Variants in MSI2 observed in about 807,000 individuals in gnomAD.
MSI2 encodes the protein musashi RNA binding protein 2.
MSI2 carries 17 observed loss-of-function variants against 45.6 expected under a neutral mutation model. The observed-to-expected ratio is 0.37, with a 90% confidence interval of 0.26 to 0.56. The LOEUF (loss-of-function observed/expected upper bound fraction) is 0.56. Among genes scored for constraint, MSI2 ranks in the 20% least tolerant of loss-of-function variants. The pLI is 0.77. For missense variants in MSI2, 293 were observed against 444.2 expected, an observed-to-expected ratio of 0.66 and a Z score of 3.06; for synonymous variants, 156 against 158.2, an observed-to-expected ratio of 0.99 and a Z score of 0.11.
At chr17:57,422,006 T>C (rs569348974) in intron 6 of MSI2, among the ~76,000 whole-genome samples, 2 of 152,370 alleles carry the variant, frequency 1.3e-5, no homozygotes, top group South Asian at 4.1e-4. Context: ...CTATCAAATG[T>C]TACACAGCTT....
chr17:57,293,039 C>T (rs1055528673), intron 5 of MSI2, among the ~76,000 whole-genome samples: 1 of 151,778 alleles, frequency 6.6e-6, no homozygotes, highest in East Asian at 1.9e-4. Flanking sequence ...ACAGTGGTTT[C>T]TTTCTTTTGT....
At chr17:57,517,009 T>G (rs1462006603) in intron 6 of MSI2, among the ~76,000 whole-genome samples, 3 of 152,260 alleles carry the variant, frequency 2.0e-5, no homozygotes, top group African/African-American at 4.8e-5. Context: ...CTTTGCCCAG[T>G]GACTGCATCT....
At chr17:57,647,905 G>A (rs1307820223) in intron 10 of MSI2, among the ~76,000 whole-genome samples, 1 of 151,520 alleles carries the variant, frequency 6.6e-6, no homozygotes, top group Non-Finnish European at 1.5e-5. Flanking sequence ...GCCTCCCAAA[G>A]TGCTAGGATT....
chr17:57,495,251 G>A (rs1047348100), intron 6 of MSI2, among the ~76,000 whole-genome samples: 3 of 152,164 alleles, frequency 2.0e-5, no homozygotes, highest in Non-Finnish European at 4.4e-5. Flanking sequence ...GCTTCATATG[G>A]GCCGGGCACG....
At chr17:57,257,240 C>A in intron 2 of MSI2, 102 bp downstream of exon 2, 1 of 519,522 alleles carries the variant, frequency 1.9e-6, no homozygotes, top group Non-Finnish European at 3.2e-6. Context: ...GCCATTGGCT[C>A]CCCACTTCTC....
chr17:57,571,450 A>AG (rs1041142817), intron 7 of MSI2, among the ~76,000 whole-genome samples: 44 of 152,300 alleles, frequency 2.9e-4, no homozygotes, highest in African/African-American at 9.9e-4. Context: ...CGCTCCTCCC[A>AG]GGAGATGGGT....
chr17:57,281,541 A>C (rs1268565432), intron 5 of MSI2, among the ~76,000 whole-genome samples: 2 of 152,176 alleles, frequency 1.3e-5, no homozygotes, highest in East Asian at 3.9e-4. Context: ...TCTCGGGGCT[A>C]ATTCTGTTCC....
At chr17:57,580,106 C>T (rs1196350980) in intron 7 of MSI2, among the ~76,000 whole-genome samples, 1 of 152,100 alleles carries the variant, frequency 6.6e-6, no homozygotes, top group Admixed American at 6.5e-5. Context: ...CAGCTGTCTC[C>T]TCTCTGTTCC....
intron 6 of MSI2, among the ~76,000 whole-genome samples, chr17:57,452,992 G>T (rs2085046518): frequency 1.4e-5 from 2 of 138,006 alleles, no homozygotes; most frequent in Admixed American, 1.6e-4. Flanking sequence ...GCTTGTTTCT[G>T]GTTGAGGGAC....
At position 57,459,000 on chromosome 17, in the gene MSI2, G is replaced by A. The variant is rs552368471; in HGVS notation, c.405+57529G>A. Among the ~76,000 whole-genome samples, 16 of 152,350 alleles carry A rather than the reference G, an allele frequency of 1.1e-4. No homozygotes were observed. The South Asian group carries it at 2.7e-3, about 26-fold the overall frequency. ...ACCTCGTCAGTGGTTGTTTTGCTGC[G>A]TCGCTCGGAAGAATGCCTCCCTCTT... On this transcript the variant is annotated intron_variant, in intron 6 of 13. Transcript: ENST00000284073.
chr17:57,564,366 C>CT (rs1423182141), intron 7 of MSI2, among the ~76,000 whole-genome samples: 1 of 152,148 alleles, frequency 6.6e-6, no homozygotes, highest in Non-Finnish European at 1.5e-5. Context: ...AGAGGGTTTT[C>CT]TTTTTAATTG....
At chr17:57,269,637 A>T (rs1468315602) in intron 5 of MSI2, among the ~76,000 whole-genome samples, 1 of 152,094 alleles carries the variant, frequency 6.6e-6, no homozygotes, top group Non-Finnish European at 1.5e-5. Flanking sequence ...TTAACAAGGG[A>T]CCATGATATA....
chr17:57,272,483 C>T (rs1908461228), intron 5 of MSI2, among the ~76,000 whole-genome samples: 2 of 152,110 alleles, frequency 1.3e-5, no homozygotes, highest in African/African-American at 4.8e-5. Flanking sequence ...CAGATCCCGC[C>T]CCTCCAAAGG....
chr17:57,623,763 G>A (rs916522932), intron 9 of MSI2, among the ~76,000 whole-genome samples: 3 of 152,226 alleles, frequency 2.0e-5, no homozygotes, highest in Admixed American at 1.3e-4. Flanking sequence ...CGGGTCTGCT[G>A]TAATGTGCTA....
At chr17:57,562,967 G>A (rs1053580281) in intron 7 of MSI2, among the ~76,000 whole-genome samples, 8 of 151,784 alleles carry the variant, frequency 5.3e-5, no homozygotes, top group Admixed American at 3.3e-4. Flanking sequence ...GTGTGGTGGC[G>A]CATGCCTGTA....
intron 5 of MSI2, among the ~76,000 whole-genome samples, chr17:57,268,771 G>T (rs1158240533): frequency 6.6e-6 from 1 of 152,102 alleles, no homozygotes; most frequent in Non-Finnish European, 1.5e-5. Context: ...GGAGGCGGAG[G>T]TTGCAGTGAG....
intron 5 of MSI2, among the ~76,000 whole-genome samples, chr17:57,396,989 A>G (rs2083902997): frequency 6.6e-6 from 1 of 152,168 alleles, no homozygotes; most frequent in African/African-American, 2.4e-5. Flanking sequence ...CTCTCCACTA[A>G]AACTCCAAGC....
chr17:57,365,243 T>C (rs1917109666), intron 5 of MSI2, among the ~76,000 whole-genome samples: 1 of 152,210 alleles, frequency 6.6e-6, no homozygotes, highest in Admixed American at 6.5e-5. Context: ...GTTTTTTATA[T>C]ACCTTGCTTT....
intron 8 of MSI2, among the ~76,000 whole-genome samples, chr17:57,600,685 ATCCT>A (rs1208446693): frequency 6.6e-6 from 1 of 152,126 alleles, no homozygotes; most frequent in African/African-American, 2.4e-5. Flanking sequence ...GATCACAGGA[ATCCT>A]TCCTTCATTC....
Sources: allele counts gnomAD v4.1 joint callset (sites outside exome capture counted in the v4.1 genomes callset), GRCh38; gene constraint gnomAD v4.1.1; transcripts MANE v1.5; gene names NCBI Gene and HGNC (gene_info 2026-07-23, HGNC 2026-07-21).